The following KLHL3 variants were observed in gnomAD, a reference collection of about 807,000 sequenced individuals.
The protein encoded by KLHL3 is kelch-like protein 3.
In KLHL3, 19 loss-of-function variants were observed where a neutral mutation model predicts 70.5. The ratio of observed to expected loss-of-function variants is 0.27; its 90% CI spans 0.19 to 0.40. The LOEUF is 0.40. Among genes scored for constraint, KLHL3 ranks in the 10% least tolerant of loss-of-function variants. KLHL3 has a pLI of 1.00. For synonymous variants in KLHL3, 258 were observed against 290.3 expected (o/e 0.89, Z 1.13); for missense variants, 512 against 771.1 (o/e 0.66, Z 3.98).
At chr5:137,688,565 T>C (rs1427250425) in intron 5 of KLHL3, among the ~76,000 whole-genome samples, 1 of 152,168 alleles carries the variant, frequency 6.6e-6, no homozygotes, top group Non-Finnish European at 1.5e-5. Flanking sequence ...CAATGGAAAA[T>C]GCCAACTCTA....
intron 6 of KLHL3, among the ~76,000 whole-genome samples, chr5:137,663,169 G>A (rs188040700): frequency 8.2e-5 from 12 of 146,430 alleles, no homozygotes; most frequent in Middle Eastern, 3.8e-3. Context: ...TGATTCTCCC[G>A]TCTCAGCCTC....
intron 5 of KLHL3, among the ~76,000 whole-genome samples, chr5:137,679,358 A>T (rs1232970087): frequency 6.6e-6 from 1 of 152,168 alleles, no homozygotes; most frequent in African/African-American, 2.4e-5. Flanking sequence ...GACCAGCCAC[A>T]GCTGAGCTCA....
chr5:137,677,743 AG>A, intron 5 of KLHL3, 89 bp from the exon 6 acceptor site: 1 of 778,330 alleles, frequency 1.3e-6, no homozygotes, highest in Non-Finnish European at 2.0e-6. Context: ...TTCACAGTAG[AG>A]TCCTGGAGCA....
chr5:137,641,640 C>T (rs193056367), intron 8 of KLHL3, among the ~76,000 whole-genome samples: 50 of 152,266 alleles, frequency 3.3e-4, no homozygotes, highest in African/African-American at 1.0e-3. Context: ...TCCCACCATA[C>T]GGGAGGCAAA....
chr5:137,714,430 A>G (rs1003360545), intron 2 of KLHL3, among the ~76,000 whole-genome samples: 2 of 152,250 alleles, frequency 1.3e-5, no homozygotes, highest in African/African-American at 4.8e-5. Flanking sequence ...AATGTGGTAT[A>G]TCTATACAAT....
chr5:137,646,999 T>G (rs1290906234), intron 8 of KLHL3, among the ~76,000 whole-genome samples: 1 of 152,182 alleles, frequency 6.6e-6, no homozygotes, highest in Non-Finnish European at 1.5e-5. Flanking sequence ...GTCACTGTGT[T>G]GAAGGCTGCA....
chr5:137,723,772 A>C (rs1363735003), intron 1 of KLHL3, among the ~76,000 whole-genome samples: 1 of 152,228 alleles, frequency 6.6e-6, no homozygotes, highest in Non-Finnish European at 1.5e-5. Flanking sequence ...AACAGAAAGG[A>C]TGCTAATGAA....
rs181478467 is a variant in KLHL3, at chr5:137,630,961, C to T, written c.1451-2524G>A. ...TTTATTTTTGAAACCAGTGAGCACA[C>T]AAAGGCTCTTTAAAAATATTAAAAT... is the stretch of plus-strand genomic sequence containing the variant. On this transcript the variant is annotated intron_variant, in intron 12 of 14. Coordinates refer to ENST00000309755, the MANE Select transcript of KLHL3 (RefSeq NM_017415.3). Among the ~76,000 whole-genome samples the T allele has an allele frequency of 4.3e-3, 639 of 147,808 alleles. 5 individuals carry two copies. Among genetic ancestry groups the T allele is most frequent in the Middle Eastern group, 0.026 (7 of 270 alleles).
At chr5:137,695,003 T>C (rs1365671092) in intron 4 of KLHL3, among the ~76,000 whole-genome samples, 2 of 152,102 alleles carry the variant, frequency 1.3e-5, no homozygotes, top group African/African-American at 4.8e-5. Flanking sequence ...GCCCTCAGAC[T>C]GCATTCCAGC....
intron 13 of KLHL3, among the ~76,000 whole-genome samples, chr5:137,627,474 AC>A (rs1215063936): frequency 1.1e-4 from 6 of 53,106 alleles, no homozygotes; most frequent in East Asian, 6.8e-4. Context: ...AGTAAATATC[AC>A]CACCCCCCCC....
In KLHL3 at chr5:137,670,394, G is replaced by C. The variant is rs572198302; in HGVS notation, c.636+7151C>G. 2.0e-5 allele frequency among the ~76,000 whole-genome samples: 3 copies of C among 151,596 alleles called. No individual in the cohort carries two copies. The South Asian group carries it at 6.3e-4, about 32-fold the overall frequency. ...CATATCAAAGATGCAAAAAATAGTA[G>C]AATATCTGGGACAACCAATGAAAGG... On this transcript the variant is annotated intron_variant, in intron 6 of 14. Coordinates refer to ENST00000309755, the MANE Select transcript of KLHL3 (RefSeq NM_017415.3).
chr5:137,628,158 C>G, intron 13 of KLHL3, 139 bp downstream of exon 13: 1 of 1,066,888 alleles, frequency 9.4e-7, no homozygotes, highest in East Asian at 2.4e-5. Context: ...CAAGAGCCCA[C>G]CTGGCAAATG....
At chr5:137,705,349 G>C (rs1752664553) in intron 3 of KLHL3, among the ~76,000 whole-genome samples, 1 of 152,198 alleles carries the variant, frequency 6.6e-6, no homozygotes, top group Non-Finnish European at 1.5e-5. Context: ...AAGTGAATAA[G>C]ACAGCCAGGC....
intron 1 of KLHL3, among the ~76,000 whole-genome samples, chr5:137,726,752 C>T (rs937179794): frequency 1.3e-5 from 2 of 152,084 alleles, no homozygotes; most frequent in African/African-American, 4.8e-5. Flanking sequence ...CACAGTAGGT[C>T]CTCATGACAT....
chr5:137,709,105 A>G (rs574509472), intron 3 of KLHL3, among the ~76,000 whole-genome samples: 4 of 152,380 alleles, frequency 2.6e-5, no homozygotes, highest in Admixed American at 6.5e-5. Flanking sequence ...GGACAAGACT[A>G]TTGGGCATGC....
chr5:137,639,248 T>G lies in KLHL3; in HGVS notation c.1022-98A>C. 2 of 1,151,164 alleles carry G rather than the reference T, an allele frequency of 1.7e-6. No individual in the cohort carries two copies. Among genetic ancestry groups the G allele is most frequent in the Admixed American group, 2.1e-5 (1 of 47,496 alleles). The allele number at this position is 1,151,164 out of a possible 1,614,324, so 71.3% of individuals were successfully genotyped here. A position where few individuals can be genotyped will look rare whatever the true frequency, so the allele number is the denominator to read the frequency against. ...AGGAGCAAGACAGACACAGGAAAAGTCGCCACCGAAGATACTTTAGGTATT... is the reference window on the plus strand; with the variant it reads ...AGGAGCAAGACAGACACAGGAAAAGGCGCCACCGAAGATACTTTAGGTATT... On this transcript the variant is annotated intron_variant, in intron 9 of 14. Transcript: ENST00000309755. The surrounding 1 kb of genome is among the most constrained non-coding windows in gnomAD (Gnocchi z 5.0).
At chr5:137,666,303 G>A (rs1243648150) in intron 6 of KLHL3, among the ~76,000 whole-genome samples, 1 of 152,164 alleles carries the variant, frequency 6.6e-6, no homozygotes. Flanking sequence ...GCCTTTGCCA[G>A]GTTAGGTGAT....
intron 6 of KLHL3, among the ~76,000 whole-genome samples, chr5:137,670,388 ATAG>A (rs895149731): frequency 1.1e-4 from 17 of 151,864 alleles, no homozygotes; most frequent in South Asian, 2.1e-4. Flanking sequence ...GATGCAAAAA[ATAG>A]TAGAATATCT....
intron 11 of KLHL3, among the ~76,000 whole-genome samples, chr5:137,635,972 A>T (rs1750757430): frequency 6.6e-6 from 1 of 152,142 alleles, no homozygotes; most frequent in Non-Finnish European, 1.5e-5. Context: ...ATTAACAGGG[A>T]TTTGCTATTT....
Sources: gnomAD v4.1 joint callset for allele counts (sites outside exome capture counted in the v4.1 genomes callset) on GRCh38, gnomAD v4.1.1 for gene constraint, Gnocchi (gnomAD v3.1) non-coding constraint, MANE v1.5 for transcripts, NCBI Gene and HGNC (gene_info 2026-07-23, HGNC 2026-07-21) for gene names.